PLAGL1: variants seen among roughly 807,000 people sequenced by gnomAD.
PLAGL1 encodes zinc finger protein PLAGL1.
Under a neutral mutation model 4.6 loss-of-function variants are expected in PLAGL1, and 1 was observed. The observed-to-expected ratio is 0.22, with a 90% CI of 0.08 to 1.03. The LOEUF (loss-of-function observed/expected upper bound fraction) is 1.03, where lower values mean the gene tolerates loss of function less well. Among genes scored for constraint, PLAGL1 ranks in the 50% least tolerant of loss-of-function variants. The probability of loss-of-function intolerance (pLI) is 0.58; values close to 1 mark genes in which losing one functional copy is unlikely to be tolerated. For missense variants in PLAGL1, 464 were observed against 570.4 expected (o/e 0.81, Z 1.90); for synonymous variants, 240 against 237.8 (o/e 1.01, Z -0.08).
rs6936891 is a variant in PLAGL1 at position 144,056,693 on chromosome 6, T to G, written c.-151+7775A>C. Among the ~76,000 whole-genome samples, 40,132 of 152,054 alleles carry G rather than the reference T, an allele frequency of 0.26. 6,903 individuals are homozygous for G. The highest frequency in any genetic ancestry group is 0.49 in the East Asian group (2,532 of 5,168). Reference sequence around the variant, plus strand: ...TTTTGTTTTTTTAAATTTAGACAGGTTATCGCTGCTGCCCAGGCCAGAGTG... The same window carrying G: ...TTTTGTTTTTTTAAATTTAGACAGGGTATCGCTGCTGCCCAGGCCAGAGTG... On this transcript the variant is annotated intron_variant, in intron 1 of 3. Coordinates refer to the PLAGL1 transcript ENST00000437412. The surrounding 1 kb of genome is among the most constrained non-coding windows in gnomAD (Gnocchi z 4.7).
In PLAGL1 at chr6:144,027,251, G is replaced by GA. The variant is rs1435665404; in HGVS notation, c.-151+37216dup. Among the ~76,000 whole-genome samples the GA allele has an allele frequency of 5.2e-5, 7 of 135,210 alleles. No homozygotes were observed. The highest frequency in any genetic ancestry group is 9.8e-5 in the Non-Finnish European group (6 of 61,158). The allele number at this position is 135,210 out of a possible 152,430, so 88.7% of individuals were successfully genotyped here. On this transcript the variant is annotated intron_variant, in intron 1 of 3. Transcript: ENST00000437412. This position sits in a 1 kb window ranked among gnomAD's most constrained non-coding sequence, Gnocchi z 5.8. ...AGAACGAACGAAAGAAAGAAAGAAA[G>GA]AAAGAAAGAAAGAAAGAAAGAAAGA...
rs1191903053 is a variant in PLAGL1 at position 143,989,846 on chromosome 6, C to T, written c.-583-4672G>A. Among the ~76,000 whole-genome samples the T allele has an allele frequency of 6.6e-6, 1 of 152,180 alleles. No individual in the cohort carries two copies. Among genetic ancestry groups the T allele is most frequent in the Non-Finnish European group, 1.5e-5 (1 of 68,036 alleles). ...ATTTCACACCTTCTCTCCTATCTTC[C>T]AATTGCCTTCCCCACTCCTAATACT... On this transcript the variant is annotated intron_variant, in intron 1 of 7. Coordinates refer to ENST00000674357, the MANE Select transcript of PLAGL1 (RefSeq NM_001317162.2). This position sits in a 1 kb window ranked among gnomAD's most constrained non-coding sequence, Gnocchi z 4.8.
rs147644591 is a variant in PLAGL1 at position 144,035,261 on chromosome 6, T to C, written c.-151+29207A>G. On this transcript the variant is annotated intron_variant, in intron 1 of 3. Transcript: ENST00000437412. ...AGCAAGGAAGCCAGTGGTAGATCAA[T>C]CCAAGCACCAAAAACTCAAAGATAG... is the stretch of plus-strand genomic sequence containing the variant. 3.3e-5 allele frequency among the ~76,000 whole-genome samples: 5 copies of C among 152,232 alleles called. 1 individual carries two copies. The East Asian group carries it at 9.7e-4, about 29-fold the overall frequency.
At chr6:144,007,090 A>G (rs916917601) in intron 1 of PLAGL1, 1 of 152,248 alleles carries the variant, frequency 6.6e-6, no homozygotes, top group African/African-American at 2.4e-5. Context: ...GACGTCGTCA[A>G]CTTTTCCAGA....
At chr6:144,047,781 C>T (rs1406266181) in intron 1 of PLAGL1, among the ~76,000 whole-genome samples, 1 of 152,054 alleles carries the variant, frequency 6.6e-6, no homozygotes, top group Non-Finnish European at 1.5e-5. Context: ...ATCATTCTGC[C>T]CCTGACACCC....
rs1787172311 is a variant in PLAGL1 at position 143,978,318 on chromosome 6, C to T, written c.-544+6817G>A. ...TTTTCTAATACATCATTTAATGCTACAAATTTTGAAGCACTGTTTCAGCTG... is the reference window on the plus strand; with the variant it reads ...TTTTCTAATACATCATTTAATGCTATAAATTTTGAAGCACTGTTTCAGCTG... On this transcript the variant is annotated intron_variant, in intron 2 of 7. Coordinates refer to ENST00000674357, the MANE Select transcript of PLAGL1 (RefSeq NM_001317162.2). This position sits in a 1 kb window ranked among gnomAD's most constrained non-coding sequence, Gnocchi z 4.6. Among the ~76,000 whole-genome samples, 1 of 152,108 alleles carries T rather than the reference C, an allele frequency of 6.6e-6. No individual in the cohort carries two copies. The highest frequency in any genetic ancestry group is 6.5e-5 in the Admixed American group (1 of 15,280).
In PLAGL1 at chr6:143,952,109, GACAACA is replaced by G. The variant is rs891708876; in HGVS notation, c.-324-3655_-324-3650del. On this transcript the variant is annotated intron_variant, in intron 6 of 7. Coordinates refer to ENST00000674357, the MANE Select transcript of PLAGL1 (RefSeq NM_001317162.2). This position sits in a 1 kb window ranked among gnomAD's most constrained non-coding sequence, Gnocchi z 6.1. Reference sequence around the variant, plus strand: ...GGTCAAAGCTTAGCTATTAAAAAACGACAACAACAACAACAACAACTGTGGGTATAT... The same window carrying G: ...GGTCAAAGCTTAGCTATTAAAAAACGACAACAACAACAACTGTGGGTATAT... Among the ~76,000 whole-genome samples the G allele has an allele frequency of 3.9e-5, 6 of 151,958 alleles. No individual in the cohort carries two copies. The highest frequency in any genetic ancestry group is 2.1e-4 in the South Asian group (1 of 4,806).
At chr6:144,012,771 C>G (rs943077932), upstream of PLAGL1, among the ~76,000 whole-genome samples, 1 of 152,138 alleles carries the variant, frequency 6.6e-6, no homozygotes, top group African/African-American at 2.4e-5. This position sits in a 1 kb window ranked among gnomAD's most constrained non-coding sequence, Gnocchi z 4.8. Flanking sequence ...TTACAGCATG[C>G]CCTAGCAAAG....
intron 1 of PLAGL1, among the ~76,000 whole-genome samples, chr6:144,047,734 A>C (rs1402925650): frequency 6.6e-6 from 1 of 152,174 alleles, no homozygotes; most frequent in Non-Finnish European, 1.5e-5. Context: ...ATTACAATTC[A>C]AGATGAGATT....
rs1012852576 is a variant in PLAGL1 at position 143,950,298 on chromosome 6, A to T, written c.-324-1838T>A. Among the ~76,000 whole-genome samples the T allele has an allele frequency of 3.9e-5, 6 of 151,916 alleles. No homozygotes were observed. The highest frequency in any genetic ancestry group is 1.5e-4 in the African/African-American group (6 of 41,324). On this transcript the variant is annotated intron_variant, in intron 6 of 7. Coordinates refer to ENST00000674357, the MANE Select transcript of PLAGL1 (RefSeq NM_001317162.2). The surrounding 1 kb of genome is among the most constrained non-coding windows in gnomAD (Gnocchi z 6.3). ...AATTACCTGTCCCGGCTCTGCCCAA[A>T]CCCCTTTCCCCCAACCCCTGGTTCC...
rs1312542278 is a variant in PLAGL1, at chr6:144,022,383, C to G, written c.-151+42085G>C. 6.6e-6 allele frequency among the ~76,000 whole-genome samples: 1 copy of G among 152,090 alleles called. No individual in the cohort carries two copies. The highest frequency in any genetic ancestry group is 1.5e-5 in the Non-Finnish European group (1 of 68,014). On this transcript the variant is annotated intron_variant, in intron 1 of 3. Transcript: ENST00000437412. This position sits in a 1 kb window ranked among gnomAD's most constrained non-coding sequence, Gnocchi z 4.2. ...GGCTAAATTTGTTTTTAAAAGTTGA[C>G]AATACAAAATGTTAACAAGGATGCA...
At chr6:144,043,989 T>C (rs886988459) in intron 1 of PLAGL1, among the ~76,000 whole-genome samples, 7 of 152,234 alleles carry the variant, frequency 4.6e-5, no homozygotes, top group East Asian at 1.9e-4. Flanking sequence ...TATTCTCTGA[T>C]AGAAGTTTGT....
intron 1 of PLAGL1, among the ~76,000 whole-genome samples, chr6:144,014,238 T>C (rs967218745): frequency 1.6e-4 from 25 of 152,050 alleles, no homozygotes; most frequent in African/African-American, 4.6e-4. Flanking sequence ...CAAGACCAGC[T>C]TGGCCAACAT....
rs1781772247 is a variant in PLAGL1, at chr6:143,954,747, T to C, written c.-325+5722A>G. On this transcript the variant is annotated intron_variant, in intron 6 of 7. Transcript: ENST00000674357. The surrounding 1 kb of genome is among the most constrained non-coding windows in gnomAD (Gnocchi z 5.1). ...TGGATAATACGATACAGTAAGACAA[T>C]AAACTAATGAAAGGCATAAAATTGG... 6.6e-6 allele frequency among the ~76,000 whole-genome samples: 1 copy of C among 152,072 alleles called. No homozygotes were observed. The highest frequency in any genetic ancestry group is 1.5e-5 in the Non-Finnish European group (1 of 68,012).
At position 144,027,529 on chromosome 6, in the gene PLAGL1, T is replaced by C. The variant is rs1177583701; in HGVS notation, c.-151+36939A>G. ...GAGGGAGTAGAACAAAAACAGCCAA[T>C]ATAACAACACTAACCTCCACCTCCC... On this transcript the variant is annotated intron_variant, in intron 1 of 3. Coordinates refer to the PLAGL1 transcript ENST00000437412. This position sits in a 1 kb window ranked among gnomAD's most constrained non-coding sequence, Gnocchi z 5.8. Among the ~76,000 whole-genome samples, 1 of 151,984 alleles carries C rather than the reference T, an allele frequency of 6.6e-6. No homozygotes were observed. Among genetic ancestry groups the C allele is most frequent in the Non-Finnish European group, 1.5e-5 (1 of 67,958 alleles).
intron 1 of PLAGL1, among the ~76,000 whole-genome samples, chr6:144,033,207 T>A (rs1172203741): frequency 2.0e-5 from 3 of 152,232 alleles, no homozygotes; most frequent in African/African-American, 7.2e-5. Flanking sequence ...CTGTAATTGC[T>A]AAAGCCTGGA....
At chr6:143,946,303 T>C (rs1399277147) in intron 7 of PLAGL1, among the ~76,000 whole-genome samples, 3 of 152,250 alleles carry the variant, frequency 2.0e-5, no homozygotes, top group Non-Finnish European at 4.4e-5. Flanking sequence ...TTTCTAAACA[T>C]TGATCTCTTC....
chr6:144,019,390 C>G (rs1041505582), intron 1 of PLAGL1, among the ~76,000 whole-genome samples: 3 of 151,688 alleles, frequency 2.0e-5, no homozygotes, highest in Non-Finnish European at 4.4e-5. Flanking sequence ...GATAGTTGCT[C>G]AAACCTGGGA....
Position 143,942,074 on chromosome 6 carries a change from CAGA to C in PLAGL1, c.739_741del (p.Ser247del), listed in dbSNP as rs1778739808. 1 of 1,613,286 alleles carries C rather than the reference CAGA, an allele frequency of 6.2e-7. No individual in the cohort carries two copies. Among genetic ancestry groups the C allele is most frequent in the South Asian group, 1.1e-5 (1 of 90,980 alleles). On this transcript the variant is annotated inframe_deletion, in exon 8 of 8. Coordinates refer to ENST00000674357, the MANE Select transcript of PLAGL1 (RefSeq NM_001317162.2). The surrounding 1 kb of genome is among the most constrained non-coding windows in gnomAD (Gnocchi z 7.6). The stretch of plus-strand genomic sequence containing the variant: ...AAGCTACTTGCAAGCCCGTTCTGGG[CAGA>C]AGCTCCTAAAGGGAAAGGAGGCAAG...
Sources: gnomAD v4.1 joint callset for allele counts (sites outside exome capture counted in the v4.1 genomes callset) on GRCh38, gnomAD v4.1.1 for gene constraint, Gnocchi (gnomAD v3.1) non-coding constraint, MANE v1.5 for transcripts, NCBI Gene and HGNC (gene_info 2026-07-23, HGNC 2026-07-21) for gene names.